Variants in NCOR2 observed in about 807,000 individuals in gnomAD.
NCOR2 encodes CTG repeat protein 26.
NCOR2 carries 81 observed loss-of-function variants against 262.9 expected under a neutral mutation model. The observed-to-expected ratio is 0.31, with a 90% CI of 0.26 to 0.37. The LOEUF (loss-of-function observed/expected upper bound fraction) is 0.37, where lower values mean the gene tolerates loss of function less well. Ranked by LOEUF, NCOR2 falls within the 10% of genes least tolerant of loss-of-function variation. NCOR2 has a pLI of 1.00. For missense variants in NCOR2, 3,385 were observed against 3,621.4 expected (o/e 0.93, Z 1.68); for synonymous variants, 1,659 against 1,559.3 (o/e 1.06, Z -1.51).
chr12:124,558,619 G>A (rs1439395212), intron 1 of NCOR2, among the ~76,000 whole-genome samples: 2 of 152,154 alleles, frequency 1.3e-5, no homozygotes, highest in Non-Finnish European at 2.9e-5. Context: ...TGGGGGATGC[G>A]GGGGTCAATG....
intron 1 of NCOR2, among the ~76,000 whole-genome samples, chr12:124,516,288 C>G (rs952383589): frequency 6.6e-6 from 1 of 152,174 alleles, no homozygotes; most frequent in African/African-American, 2.4e-5. Context: ...CGCGCCAGTC[C>G]CCAGGCCACA....
intron 1 of NCOR2, 66 bp from the exon 4 acceptor site, chr12:124,486,634 A>G (rs1289802710): frequency 6.6e-7 from 1 of 1,507,924 alleles, no homozygotes; most frequent in East Asian, 2.5e-5. Flanking sequence ...ACGGCAGGGC[A>G]CAGTGGGCAA....
In NCOR2 at chr12:124,427,662, G is replaced by A. The variant is rs75732878; in HGVS notation, c.1150-862C>T. Reference sequence around the variant, plus strand: ...GGGGTGGGAGAGAATCCCCCCAAGAGGCTGGCATCTGTCTCCCAGACCCTT... The same window carrying A: ...GGGGTGGGAGAGAATCCCCCCAAGAAGCTGGCATCTGTCTCCCAGACCCTT... On this transcript the variant is annotated intron_variant, in intron 10 of 46. Transcript: ENST00000405201. 5.4e-3 allele frequency among the ~76,000 whole-genome samples: 822 copies of A among 152,304 alleles called. 4 individuals are homozygous for A. The highest frequency in any genetic ancestry group is 0.018 in the African/African-American group (741 of 41,564).
At chr12:124,428,643 C>T (rs968390552) in intron 10 of NCOR2, among the ~76,000 whole-genome samples, 1 of 152,234 alleles carries the variant, frequency 6.6e-6, no homozygotes, top group Admixed American at 6.5e-5. Flanking sequence ...CTGTCTGCTC[C>T]GCCCAGGAGG....
chr12:124,337,010 C>G (rs1229296745), exon 38 of NCOR2: 1 of 1,507,676 alleles, frequency 6.6e-7, no homozygotes, highest in South Asian at 1.4e-5. Context: ...GAAGGCATGG[C>G]CGGTGTCTGC....
intron 37 of NCOR2, 64 bp downstream of exon 39, chr12:124,339,942 G>A: frequency 9.3e-7 from 1 of 1,072,074 alleles, no homozygotes; most frequent in Admixed American, 2.4e-5. Context: ...CCTCTTATCT[G>A]CTCATCCTCC....
chr12:124,378,529 C>T lies in NCOR2; in HGVS notation c.2020-145G>A. The T allele has an allele frequency of 1.3e-6, 1 of 791,132 alleles. No individual in the cohort carries two copies. Among genetic ancestry groups the T allele is most frequent in the Middle Eastern group, 3.8e-4 (1 of 2,662 alleles). 49.0% of individuals were successfully genotyped at this position (791,132 alleles called of 1,614,324 possible). A position where few individuals can be genotyped will look rare whatever the true frequency, so the allele number is the denominator to read the frequency against. On this transcript the variant is annotated intron_variant, in intron 17 of 46. Transcript: ENST00000405201. The surrounding 1 kb of genome is among the most constrained non-coding windows in gnomAD (Gnocchi z 4.2). ...GGGTGACCGTCCCCCTCACACCCCA[C>T]CTCGGCAGCCAAGCGTGCCAGGGTT...
chr12:124,453,705 G>T (rs895377116), intron 6 of NCOR2, among the ~76,000 whole-genome samples: 1 of 152,302 alleles, frequency 6.6e-6, no homozygotes, highest in South Asian at 2.1e-4. Context: ...TTAAAATAAC[G>T]CCTTGGAACA....
At chr12:124,355,510 G>T in exon 24 of NCOR2, 2 of 1,608,794 alleles carry the variant, frequency 1.2e-6, no homozygotes, top group Middle Eastern at 1.9e-4. Context: ...GGTTGGAGAT[G>T]GTGGGTGGGC....
chr12:124,343,611 A>G (rs2135838946), intron 32 of NCOR2, among the ~76,000 whole-genome samples: 1 of 129,134 alleles, frequency 7.7e-6, no homozygotes, highest in African/African-American at 2.9e-5. Context: ...ACACGCTCAG[A>G]AGAAAATTTT....
chr12:124,393,342 C>T (rs2041443083), intron 16 of NCOR2, among the ~76,000 whole-genome samples: 1 of 152,218 alleles, frequency 6.6e-6, no homozygotes, highest in African/African-American at 2.4e-5. Context: ...TCAGGCAGCA[C>T]AAGCCCCAGG....
chr12:124,515,759 GGT>G (rs1288000461), intron 1 of NCOR2, among the ~76,000 whole-genome samples: 1 of 151,732 alleles, frequency 6.6e-6, no homozygotes, highest in Admixed American at 6.6e-5. Flanking sequence ...TATACATGTG[GGT>G]GTGTGCGTGA....
intron 13 of NCOR2, among the ~76,000 whole-genome samples, chr12:124,411,063 G>A (rs925904554): frequency 1.6e-5 from 2 of 125,758 alleles, no homozygotes; most frequent in Non-Finnish European, 3.5e-5. Context: ...GAAGAGGAGA[G>A]ATGGGGGAGA....
At chr12:124,499,372 G>A (rs1450699013), upstream of NCOR2, among the ~76,000 whole-genome samples, 1 of 152,246 alleles carries the variant, frequency 6.6e-6, no homozygotes, top group Non-Finnish European at 1.5e-5. Flanking sequence ...GCTGAGCCCC[G>A]GGCTAGTGCT....
rs1042924649 is a variant in NCOR2, at chr12:124,531,410, A to G, written c.-118+4155T>C. 1.3e-5 allele frequency among the ~76,000 whole-genome samples: 2 copies of G among 152,134 alleles called. No homozygotes were observed. Among genetic ancestry groups the G allele is most frequent in the African/African-American group, 4.8e-5 (2 of 41,424 alleles). On this transcript the variant is annotated intron_variant, in intron 1 of 46. Transcript: ENST00000404621. This position sits in a 1 kb window ranked among gnomAD's most constrained non-coding sequence, Gnocchi z 4.5. Reference sequence around the variant, plus strand: ...CGGGCGGCCGCAGGCAGACACGCTCAACTGTCAGCCTCCTCCTCTCAGCCC... The same window carrying G: ...CGGGCGGCCGCAGGCAGACACGCTCGACTGTCAGCCTCCTCCTCTCAGCCC...
intron 5 of NCOR2, among the ~76,000 whole-genome samples, chr12:124,465,894 C>T (rs1473109298): frequency 6.6e-5 from 10 of 152,240 alleles, no homozygotes; most frequent in Admixed American, 6.5e-4. Flanking sequence ...CTGGTGCTCT[C>T]CTGGAGCCCA....
At chr12:124,551,234 C>A (rs973252022) in intron 1 of NCOR2, among the ~76,000 whole-genome samples, 20 of 152,194 alleles carry the variant, frequency 1.3e-4, no homozygotes, top group Non-Finnish European at 2.8e-4. Context: ...CCACTCAGGT[C>A]TGCCGCTTGT....
At chr12:124,369,936 C>T (rs896191984) in intron 20 of NCOR2, among the ~76,000 whole-genome samples, 3 of 152,138 alleles carry the variant, frequency 2.0e-5, no homozygotes, top group African/African-American at 7.2e-5. Context: ...CCCCCGGCTC[C>T]CCAGTCCGGG....
chr12:124,325,665 A>G (rs2034562443), intron 46 of NCOR2, 82 bp from the exon 49 acceptor site: 1 of 969,794 alleles, frequency 1.0e-6, no homozygotes, highest in African/African-American at 1.7e-5. Context: ...CACACCGGGA[A>G]CAGAGGCCTC....
Sources: gnomAD v4.1 joint callset for allele counts (sites outside exome capture counted in the v4.1 genomes callset) on GRCh38, gnomAD v4.1.1 for gene constraint, Gnocchi (gnomAD v3.1) non-coding constraint, MANE v1.5 for transcripts, NCBI Gene and HGNC (gene_info 2026-07-23, HGNC 2026-07-21) for gene names.